PHACTR2: variants seen among roughly 807,000 people sequenced by gnomAD.
The protein encoded by PHACTR2 is chromosome 6 open reading frame 56.
PHACTR2 carries 30 observed loss-of-function variants against 76.0 expected under a neutral mutation model. The observed-to-expected ratio is 0.39, with a 90% CI of 0.30 to 0.54. The LOEUF is 0.54. Ranked by LOEUF, PHACTR2 falls within the 20% of genes least tolerant of loss-of-function variation. The pLI, the probability that PHACTR2 is intolerant of heterozygous loss-of-function variation, is 0.61. For missense variants in PHACTR2, 696 were observed against 781.1 expected (o/e 0.89, Z 1.30); for synonymous variants, 292 against 292.5 (o/e 1.00, Z 0.02).
At chr6:143,544,262 G>GGAGGCAGGGAGGGGAAAGAAGGAAGA (rs879929393) in intron 1 of PHACTR2, among the ~76,000 whole-genome samples, 18 of 152,294 alleles carry the variant, frequency 1.2e-4, no homozygotes, top group Middle Eastern at 3.4e-3. Context: ...GGGAAGGAAG[G>GGAGGCAGGGAGGGGAAAGAAGGAAGA]AAGGCGGGCA....
chr6:143,607,510 C>G (rs1381234700), upstream of PHACTR2, among the ~76,000 whole-genome samples: 1 of 152,226 alleles, frequency 6.6e-6, no homozygotes, highest in African/African-American at 2.4e-5. Flanking sequence ...TGATAACGGA[C>G]TGTAGAATCC....
At chr6:143,673,728 C>G (rs1777194770), upstream of PHACTR2, among the ~76,000 whole-genome samples, 1 of 151,904 alleles carries the variant, frequency 6.6e-6, no homozygotes. Context: ...CAGCACCACC[C>G]CTTGAGGTCT....
intron 2 of PHACTR2, among the ~76,000 whole-genome samples, chr6:143,737,697 C>T (rs963709171): frequency 1.3e-5 from 2 of 152,320 alleles, no homozygotes; most frequent in South Asian, 2.1e-4. Flanking sequence ...TACCTTTCCC[C>T]AAACTGCATT....
At chr6:143,552,760 C>T (rs1410558928) in intron 1 of PHACTR2, among the ~76,000 whole-genome samples, 5 of 151,722 alleles carry the variant, frequency 3.3e-5, no homozygotes, top group East Asian at 3.9e-4. Context: ...AAAAATGAGC[C>T]GGGCATGGTG....
At chr6:143,606,054 T>C (rs1775865296), upstream of PHACTR2, among the ~76,000 whole-genome samples, 1 of 152,138 alleles carries the variant, frequency 6.6e-6, no homozygotes, top group African/African-American at 2.4e-5. Context: ...GAATTCAGAA[T>C]TTTATTTTAG....
rs999936314 is a variant in PHACTR2 at position 143,782,371 on chromosome 6, G to A, written c.1646-848G>A. On this transcript the variant is annotated intron_variant, in intron 9 of 12. Transcript: ENST00000440869. This position sits in a 1 kb window ranked among gnomAD's most constrained non-coding sequence, Gnocchi z 4.6. ...TAAAACATAATCTTTCATAAGCATC[G>A]GTATCCAAGAAGCAAAATGTATGCT... is the stretch of plus-strand genomic sequence containing the variant. Among the ~76,000 whole-genome samples, 3 of 152,020 alleles carry A rather than the reference G, an allele frequency of 2.0e-5. No homozygotes were observed. Among genetic ancestry groups the A allele is most frequent in the Admixed American group, 6.6e-5 (1 of 15,264 alleles).
rs1399370401 is a variant in PHACTR2, at chr6:143,710,702, G to T, written c.47-1314G>T. Among the ~76,000 whole-genome samples, 1 of 152,046 alleles carries T rather than the reference G, an allele frequency of 6.6e-6. No homozygotes were observed. The highest frequency in any genetic ancestry group is 1.9e-4 in the East Asian group (1 of 5,198). ...ACAGAGCAAGACTCTATCTCAAAAAGAAAAAGTAAGTCTGTTTCATCTTCT... is the reference window on the plus strand; with the variant it reads ...ACAGAGCAAGACTCTATCTCAAAAATAAAAAGTAAGTCTGTTTCATCTTCT... On this transcript the variant is annotated intron_variant, in intron 1 of 12. Coordinates refer to ENST00000440869, the MANE Select transcript of PHACTR2 (RefSeq NM_001100164.2). The surrounding 1 kb of genome is among the most constrained non-coding windows in gnomAD (Gnocchi z 4.9).
rs147557548 is a variant in PHACTR2, at chr6:143,622,739, GT to G, written c.13+14418del. On this transcript the variant is annotated intron_variant, in intron 1 of 11. Coordinates refer to the PHACTR2 transcript ENST00000305766. ...TCCTTGTGAACCTTGATTTTTTTGT[GT>G]GTGTGTTTGACATTAAACCAAATTT... Among the ~76,000 whole-genome samples, 526 of 152,184 alleles carry G rather than the reference GT, an allele frequency of 3.5e-3. 5 individuals carry two copies. The highest frequency in any genetic ancestry group is 0.012 in the African/African-American group (495 of 41,550).
intron 1 of PHACTR2, among the ~76,000 whole-genome samples, chr6:143,655,278 A>G (rs1178687626): frequency 6.6e-6 from 1 of 152,174 alleles, no homozygotes; most frequent in African/African-American, 2.4e-5. Flanking sequence ...ATTCCTAGAG[A>G]AAGAAAGTAC....
intron 1 of PHACTR2, among the ~76,000 whole-genome samples, chr6:143,565,081 G>T (rs898578098): frequency 3.3e-5 from 5 of 152,126 alleles, no homozygotes; most frequent in Non-Finnish European, 7.4e-5. Context: ...GTTGCAAGTG[G>T]CTGGAATGGA....
chr6:143,670,852 A>G (rs1055807982), intron 1 of PHACTR2, among the ~76,000 whole-genome samples: 1 of 152,050 alleles, frequency 6.6e-6, no homozygotes, highest in African/African-American at 2.4e-5. Flanking sequence ...TCAATTCATC[A>G]AACTCATTCT....
chr6:143,562,953 G>A lies in PHACTR2; in HGVS notation c.217+25746G>A, dbSNP rs927292752. 3.3e-5 allele frequency among the ~76,000 whole-genome samples: 5 copies of A among 152,158 alleles called. No individual in the cohort carries two copies. Among genetic ancestry groups the A allele is most frequent in the African/African-American group, 1.2e-4 (5 of 41,444 alleles). On this transcript the variant is annotated intron_variant, in intron 1 of 11. Transcript: ENST00000367584. The surrounding 1 kb of genome is among the most constrained non-coding windows in gnomAD (Gnocchi z 5.1). ...CAAATTCCTAGAGATAGAAAATAGAGTATAAGCTTCTAGGGGCTGGAGGAA... is the reference window on the plus strand; with the variant it reads ...CAAATTCCTAGAGATAGAAAATAGAATATAAGCTTCTAGGGGCTGGAGGAA...
rs2128427091 is a variant in PHACTR2 at position 143,548,330 on chromosome 6, T to G, written c.217+11123T>G. 6.7e-6 allele frequency among the ~76,000 whole-genome samples: 1 copy of G among 150,294 alleles called. No individual in the cohort carries two copies. Among genetic ancestry groups the G allele is most frequent in the East Asian group, 1.9e-4 (1 of 5,184 alleles). On this transcript the variant is annotated intron_variant, in intron 1 of 11. Coordinates refer to the PHACTR2 transcript ENST00000367584. The surrounding 1 kb of genome is among the most constrained non-coding windows in gnomAD (Gnocchi z 4.5). ...ATACCATCATGTTAGGGGATAGGGTTCTAATGTTTGGATTTTGAAGGGATA... is the reference window on the plus strand; with the variant it reads ...ATACCATCATGTTAGGGGATAGGGTGCTAATGTTTGGATTTTGAAGGGATA...
rs886543023 is a variant in PHACTR2, at chr6:143,596,317, C to T, written c.217+59110C>T. 5.3e-5 allele frequency among the ~76,000 whole-genome samples: 8 copies of T among 151,634 alleles called. No individual in the cohort carries two copies. The highest frequency in any genetic ancestry group is 1.9e-4 in the African/African-American group (8 of 41,260). ...TCCAAGTTGGGAGCGGCTAACTAAG[C>T]GGGTCGTCCTTTCTCAGAAGGTTTA... On this transcript the variant is annotated intron_variant, in intron 1 of 11. Transcript: ENST00000367584. This position sits in a 1 kb window ranked among gnomAD's most constrained non-coding sequence, Gnocchi z 4.6.
intron 2 of PHACTR2, among the ~76,000 whole-genome samples, chr6:143,734,239 G>T (rs1362898323): frequency 1.3e-5 from 2 of 152,190 alleles, no homozygotes; most frequent in Non-Finnish European, 2.9e-5. Context: ...TCCACCATGG[G>T]TTTAGAATAG....
chr6:143,557,186 T>TA lies in PHACTR2; in HGVS notation c.217+19980dup, dbSNP rs1176156861. Among the ~76,000 whole-genome samples, 1 of 152,264 alleles carries TA rather than the reference T, an allele frequency of 6.6e-6. No individual in the cohort carries two copies. Among genetic ancestry groups the TA allele is most frequent in the Non-Finnish European group, 1.5e-5 (1 of 68,042 alleles). ...CATTCACATTATTTTGCAAGTAAGT[T>TA]ACTTTAATCATCATCATCACTAGTA... On this transcript the variant is annotated intron_variant, in intron 1 of 11. Transcript: ENST00000367584. The surrounding 1 kb of genome is among the most constrained non-coding windows in gnomAD (Gnocchi z 5.5).
Position 143,755,424 on chromosome 6 carries a change from C to T in PHACTR2, c.454+1512C>T. 2.2e-6 allele frequency: 1 copy of T among 452,990 alleles called. No homozygotes were observed. Among genetic ancestry groups the T allele is most frequent in the Non-Finnish European group, 4.4e-6 (1 of 224,986 alleles). 28.1% of individuals were successfully genotyped at this position (452,990 alleles called of 1,614,324 possible). A position where few individuals can be genotyped will look rare whatever the true frequency, so the allele number is the denominator to read the frequency against. On this transcript the variant is annotated intron_variant, in intron 4 of 12. Coordinates refer to ENST00000440869, the MANE Select transcript of PHACTR2 (RefSeq NM_001100164.2). This position sits in a 1 kb window ranked among gnomAD's most constrained non-coding sequence, Gnocchi z 5.2. ...TGCCTGGTCCGTGCAGGGTATTCGT[C>T]ACTGGACTGGCCAGACATCAAAGGA... is the stretch of plus-strand genomic sequence containing the variant.
In PHACTR2 at chr6:143,791,154, A is replaced by C. The variant is rs562943451; in HGVS notation, c.1845+2244A>C. On this transcript the variant is annotated intron_variant, in intron 11 of 12. Coordinates refer to ENST00000440869, the MANE Select transcript of PHACTR2 (RefSeq NM_001100164.2). This position sits in a 1 kb window ranked among gnomAD's most constrained non-coding sequence, Gnocchi z 4.7. ...ACATTTAACTTTTTTGTTTACCTGGAGTTGTTTTTTGGGGGAAGGTATAAG... is the reference window on the plus strand; with the variant it reads ...ACATTTAACTTTTTTGTTTACCTGGCGTTGTTTTTTGGGGGAAGGTATAAG... Among the ~76,000 whole-genome samples the C allele has an allele frequency of 6.6e-6, 1 of 151,768 alleles. No homozygotes were observed. Among genetic ancestry groups the C allele is most frequent in the African/African-American group, 2.4e-5 (1 of 41,364 alleles).
intron 1 of PHACTR2, among the ~76,000 whole-genome samples, chr6:143,577,253 C>T (rs1227035276): frequency 2.6e-5 from 4 of 152,060 alleles, no homozygotes; most frequent in Admixed American, 1.3e-4. Context: ...TGCCAGGCAA[C>T]AAAAAAGACA....
Sources: gnomAD v4.1 joint callset for allele counts (sites outside exome capture counted in the v4.1 genomes callset) on GRCh38, gnomAD v4.1.1 for gene constraint, Gnocchi (gnomAD v3.1) non-coding constraint, MANE v1.5 for transcripts, NCBI Gene and HGNC (gene_info 2026-07-23, HGNC 2026-07-21) for gene names.